The following IGLL5 variants were observed in gnomAD, a reference collection of about 807,000 sequenced individuals.
IGLL5 encodes immunoglobulin lambda like polypeptide 5.
IGLL5 carries 30 observed loss-of-function variants against 20.9 expected under a neutral mutation model. The ratio of observed to expected loss-of-function variants is 1.44; its 90% CI spans 1.07 to 1.95. IGLL5 has a LOEUF of 1.95. IGLL5 is among the 30% of genes most tolerant of loss of function. The pLI is 0.00. For synonymous variants in IGLL5, 203 were observed against 117.3 expected, an observed-to-expected ratio of 1.73 and a Z score of -4.72; for missense variants, 475 against 270.7, an observed-to-expected ratio of 1.75 and a Z score of -5.30.
intron 2 of IGLL5, among the ~76,000 whole-genome samples, chr22:22,894,178 G>A (rs1601624262): frequency 9.9e-5 from 15 of 151,474 alleles, no homozygotes; most frequent in Middle Eastern, 3.7e-3. Flanking sequence ...AAGGACAGAG[G>A]CTGCTGGGGT....
At chr22:22,894,322 G>A (rs575021942) in intron 2 of IGLL5, among the ~76,000 whole-genome samples, 3 of 151,432 alleles carry the variant, frequency 2.0e-5, no homozygotes, top group South Asian at 2.1e-4. Context: ...CACCCCAAGG[G>A]GAGACCAATG....
At chr22:22,891,385 T>C (rs2067842567) in intron 1 of IGLL5, among the ~76,000 whole-genome samples, 1 of 151,334 alleles carries the variant, frequency 6.6e-6, no homozygotes, top group East Asian at 2.0e-4. Context: ...CTTTCTGTGG[T>C]TCTCTTGGTT....
At chr22:22,894,198 A>ATT in intron 2 of IGLL5, among the ~76,000 whole-genome samples, 1 of 149,124 alleles carries the variant, frequency 6.7e-6, no homozygotes, top group East Asian at 2.1e-4. Flanking sequence ...TGGGCCTGGG[A>ATT]GCTGCTGAGT....
chr22:22,892,612 G>T (rs6003381), intron 1 of IGLL5, among the ~76,000 whole-genome samples: 3,412 of 150,928 alleles, frequency 0.023, 136 homozygotes, highest in African/African-American at 0.074. Flanking sequence ...TATACAGAAA[G>T]AAGTTTAGTT....
chr22:22,889,338 T>G (rs2067708598), intron 1 of IGLL5, among the ~76,000 whole-genome samples: 1 of 151,026 alleles, frequency 6.6e-6, no homozygotes, highest in Admixed American at 6.6e-5. Flanking sequence ...GGGGACTGTC[T>G]ATGGGCATTA....
intron 1 of IGLL5, among the ~76,000 whole-genome samples, chr22:22,891,056 T>C (rs2146012611): frequency 6.6e-6 from 1 of 151,282 alleles, no homozygotes; most frequent in East Asian, 2.0e-4. Flanking sequence ...ACGGGTCTTT[T>C]GTTTATGGGG....
In IGLL5 at chr22:22,896,098, T is replaced by G. The variant is rs1450382716; in HGVS notation, c.*404T>G. On this transcript the variant is annotated 3_prime_UTR_variant, in exon 3 of 3. Transcript: ENST00000526893. ...ATTTTACTTCTCAATAAATACCTGA[T>G]CATGTAAAACGCAGCATTTCTAATG... The G allele has an allele frequency of 2.9e-6, 1 of 339,370 alleles. No individual in the cohort carries two copies. Among genetic ancestry groups the G allele is most frequent in the Non-Finnish European group, 5.5e-6 (1 of 180,260 alleles). 21.0% of individuals were successfully genotyped at this position (339,370 alleles called of 1,614,324 possible).
chr22:22,888,448 A>C (rs181183757), intron 1 of IGLL5, among the ~76,000 whole-genome samples, 189 bp downstream of exon 1: 8 of 151,388 alleles, frequency 5.3e-5, no homozygotes, highest in Middle Eastern at 3.7e-3. Flanking sequence ...TGTTTTTAAT[A>C]TCATATTACG....
chr22:22,890,587 GTGTGTGTGTGTGTA>G (rs756582838), intron 1 of IGLL5, among the ~76,000 whole-genome samples: 169 of 147,614 alleles, frequency 1.1e-3, no homozygotes, highest in African/African-American at 3.9e-3. Context: ...GTGTGTGTGT[GTGTGTGTGTGTGTA>G]TGTGTACAAA....
At chr22:22,894,367 G>C (rs532746463) in intron 2 of IGLL5, among the ~76,000 whole-genome samples, 7 of 151,438 alleles carry the variant, frequency 4.6e-5, no homozygotes, top group South Asian at 2.1e-4. Flanking sequence ...CTAGGCTGCA[G>C]CTCTGTGGCC....
At chr22:22,894,266 T>G (rs1430482069) in intron 2 of IGLL5, among the ~76,000 whole-genome samples, 2 of 150,368 alleles carry the variant, frequency 1.3e-5, no homozygotes, top group South Asian at 2.1e-4. Context: ...GAGGACTGGA[T>G]GCCAATCCAG....
Position 22,893,868 on chromosome 22 carries a change from G to A in IGLL5, c.325+50G>A, listed in dbSNP as rs191815273. 1.3e-5 allele frequency: 17 copies of A among 1,278,682 alleles called. 1 individual carries two copies. The highest frequency in any genetic ancestry group is 4.4e-5 in the African/African-American group (3 of 68,342). 79.2% of individuals were successfully genotyped at this position (1,278,682 alleles called of 1,614,324 possible). On this transcript the variant is annotated intron_variant, in intron 2 of 2. Transcript: ENST00000526893. ...GCCTGTCTCACCCTCTGCTGTCCCTGGAAAATCTGTTTTCTCTCTCTGGGG... is the reference window on the plus strand; with the variant it reads ...GCCTGTCTCACCCTCTGCTGTCCCTAGAAAATCTGTTTTCTCTCTCTGGGG...
rs1483845960 is a variant in IGLL5, at chr22:22,895,862, C to T, written c.*168C>T. ...TTGTTTTATCTCATTTTTTTTCTCA[C>T]ATAAATTGCTAGCCTCCCCGGGGTT... On this transcript the variant is annotated 3_prime_UTR_variant, in exon 3 of 3. Transcript: ENST00000526893. 1.4e-6 allele frequency: 1 copy of T among 730,000 alleles called. No individual in the cohort carries two copies. Among genetic ancestry groups the T allele is most frequent in the South Asian group, 1.8e-5 (1 of 56,250 alleles). The allele number at this position is 730,000 out of a possible 1,614,324, so 45.2% of individuals were successfully genotyped here.
chr22:22,889,282 G>C (rs898898227), intron 1 of IGLL5, among the ~76,000 whole-genome samples: 1 of 151,118 alleles, frequency 6.6e-6, no homozygotes, highest in Admixed American at 6.6e-5. Flanking sequence ...TGAAATGGGA[G>C]CATGAAGTTG....
At chr22:22,894,077 C>CAGGGCAGATGTCTGACTG in intron 2 of IGLL5, among the ~76,000 whole-genome samples, 1 of 151,454 alleles carries the variant, frequency 6.6e-6, no homozygotes, top group African/African-American at 2.4e-5. Flanking sequence ...TCCTCTCTTC[C>CAGGGCAGATGTCTGACTG]AGGGCAGATG....
intron 1 of IGLL5, among the ~76,000 whole-genome samples, chr22:22,892,741 A>T (rs1569085235): frequency 1.3e-5 from 2 of 150,842 alleles, no homozygotes. Context: ...GGGATCTAAG[A>T]CCCCTGGACA....
At chr22:22,894,197 G>A (rs2067996595) in intron 2 of IGLL5, among the ~76,000 whole-genome samples, 3 of 151,484 alleles carry the variant, frequency 2.0e-5, no homozygotes, top group Non-Finnish European at 2.9e-5. Context: ...GTGGGCCTGG[G>A]AGCTGCTGAG....
Position 22,895,804 on chromosome 22 carries a change from C to T in IGLL5, c.*110C>T. 1.0e-6 allele frequency: 1 copy of T among 987,130 alleles called. No individual in the cohort carries two copies. The highest frequency in any genetic ancestry group is 2.4e-5 in the East Asian group (1 of 41,144). 61.1% of individuals were successfully genotyped at this position (987,130 alleles called of 1,614,324 possible). On this transcript the variant is annotated 3_prime_UTR_variant, in exon 3 of 3. Coordinates refer to ENST00000526893, the MANE Select transcript of IGLL5 (RefSeq NM_001178126.2). ...GCCCTTCTCCCTGCACTCATGAAACCCCAATAAATATCCTCATTGACAACC... is the reference window on the plus strand; with the variant it reads ...GCCCTTCTCCCTGCACTCATGAAACTCCAATAAATATCCTCATTGACAACC...
intron 1 of IGLL5, among the ~76,000 whole-genome samples, chr22:22,889,939 A>T (rs2067764434): frequency 6.6e-6 from 1 of 151,248 alleles, no homozygotes; most frequent in Admixed American, 6.6e-5. Flanking sequence ...AAAACCTGTC[A>T]GAAAATATAG....
Sources: gnomAD v4.1 joint callset for allele counts (sites outside exome capture counted in the v4.1 genomes callset) on GRCh38, gnomAD v4.1.1 for gene constraint, MANE v1.5 for transcripts, NCBI Gene and HGNC (gene_info 2026-07-23, HGNC 2026-07-21) for gene names.